The following ZMYND8 variants were observed in gnomAD, a reference collection of about 807,000 sequenced individuals.
ZMYND8 encodes the protein MYND-type zinc finger-containing chromatin reader ZMYND8.
Under a neutral mutation model 140.8 loss-of-function variants are expected in ZMYND8, and 37 were observed. That is an observed-to-expected ratio of 0.26 (90% confidence interval 0.20 to 0.35). The LOEUF (loss-of-function observed/expected upper bound fraction) is 0.35, where lower values mean the gene tolerates loss of function less well. Ranked by LOEUF, ZMYND8 falls within the 10% of genes least tolerant of loss-of-function variation. ZMYND8 has a pLI of 1.00. For synonymous variants in ZMYND8, 592 were observed against 597.1 expected, an observed-to-expected ratio of 0.99 and a Z score of 0.12; for missense variants, 1,068 against 1,570.0, an observed-to-expected ratio of 0.68 and a Z score of 5.40.
At chr20:47,346,912 G>C (rs997493396) in intron 2 of ZMYND8, among the ~76,000 whole-genome samples, 3 of 152,170 alleles carry the variant, frequency 2.0e-5, no homozygotes, top group Non-Finnish European at 4.4e-5. Context: ...GCGACACGCT[G>C]TCTTGTAACA....
intron 16 of ZMYND8, among the ~76,000 whole-genome samples, chr20:47,233,352 G>A (rs1030198257): frequency 6.6e-6 from 1 of 151,898 alleles, no homozygotes; most frequent in East Asian, 1.9e-4. Flanking sequence ...TGAGACTACC[G>A]GCATGTGCCA....
intron 11 of ZMYND8, among the ~76,000 whole-genome samples, chr20:47,266,299 G>A (rs1334541092): frequency 6.6e-6 from 1 of 151,314 alleles, no homozygotes; most frequent in Non-Finnish European, 1.5e-5. Context: ...CGGGGAGAGA[G>A]ATGGAGTTTC....
chr20:47,301,474 G>A (rs2078044553), intron 3 of ZMYND8, among the ~76,000 whole-genome samples: 1 of 152,002 alleles, frequency 6.6e-6, no homozygotes, highest in Admixed American at 6.6e-5. Context: ...CTTTAGCCCA[G>A]TTATTTCCCT....
At chr20:47,350,901 T>C (rs2148623702) in intron 1 of ZMYND8, among the ~76,000 whole-genome samples, 1 of 152,224 alleles carries the variant, frequency 6.6e-6, no homozygotes, top group Admixed American at 6.5e-5. Flanking sequence ...AGCAAACAAT[T>C]TCTCACTCCA....
At position 47,287,648 on chromosome 20, in the gene ZMYND8, A is replaced by G. The variant is rs987799819; in HGVS notation, c.749-364T>C. On this transcript the variant is annotated intron_variant, in intron 7 of 22. Transcript: ENST00000471951. ...GCCAACCCAAGAAGAATACAAGAGA[A>G]AGAAGACATTTTCTTGAATAGCTCT... Among the ~76,000 whole-genome samples, 74 of 152,298 alleles carry G rather than the reference A, an allele frequency of 4.9e-4. 1 individual carries two copies. The highest frequency in any genetic ancestry group is 1.8e-3 in the African/African-American group (73 of 41,564).
intron 18 of ZMYND8, 57 bp downstream of exon 18, chr20:47,227,146 G>A (rs2037826838): frequency 1.3e-6 from 2 of 1,569,264 alleles, no homozygotes; most frequent in Non-Finnish European, 1.8e-6. Context: ...CTCCAGAGGT[G>A]CAAAGAAGTT....
intron 2 of ZMYND8, among the ~76,000 whole-genome samples, chr20:47,337,904 C>G (rs1225130947): frequency 6.6e-6 from 1 of 151,958 alleles, no homozygotes; most frequent in Non-Finnish European, 1.5e-5. Context: ...GAGTATGTGT[C>G]AAGGGGAGAG....
chr20:47,305,613 G>A (rs975272479), intron 3 of ZMYND8, among the ~76,000 whole-genome samples: 3 of 151,408 alleles, frequency 2.0e-5, no homozygotes, highest in African/African-American at 7.3e-5. Flanking sequence ...CAGTTTTTAG[G>A]GCAACATGTG....
intron 2 of ZMYND8, among the ~76,000 whole-genome samples, chr20:47,341,526 CAAAA>C (rs112093006): frequency 3.6e-5 from 2 of 56,300 alleles, no homozygotes; most frequent in Admixed American, 2.3e-4. Context: ...GACTCCATCT[CAAAA>C]AAAAAAAAAA....
intron 13 of ZMYND8, among the ~76,000 whole-genome samples, chr20:47,246,938 A>AGAGGC (rs2040630411): frequency 6.6e-6 from 1 of 152,130 alleles, no homozygotes; most frequent in African/African-American, 2.4e-5. Context: ...GACACAAGAC[A>AGAGGC]GAGGCCAGGC....
intron 2 of ZMYND8, among the ~76,000 whole-genome samples, chr20:47,311,944 T>C (rs750468406): frequency 6.6e-6 from 1 of 152,172 alleles, no homozygotes; most frequent in African/African-American, 2.4e-5. Flanking sequence ...CTCCAAGGAC[T>C]TGAATCCACT....
intron 8 of ZMYND8, among the ~76,000 whole-genome samples, chr20:47,283,899 A>C (rs995374199): frequency 6.7e-6 from 1 of 149,596 alleles, no homozygotes; most frequent in Non-Finnish European, 1.5e-5. Context: ...CCCATTATAG[A>C]CATTCCCTGC....
chr20:47,228,511 C>G (rs2038024150), intron 17 of ZMYND8, among the ~76,000 whole-genome samples: 2 of 152,214 alleles, frequency 1.3e-5, no homozygotes, highest in South Asian at 4.1e-4. Context: ...CACACCAATT[C>G]TTACAACGTA....
At chr20:47,286,150 T>C (rs1272490057) in intron 8 of ZMYND8, among the ~76,000 whole-genome samples, 1 of 151,806 alleles carries the variant, frequency 6.6e-6, no homozygotes, top group Non-Finnish European at 1.5e-5. Context: ...ACTATATCTA[T>C]ATATAGATAT....
At chr20:47,341,637 G>A (rs371759746) in intron 2 of ZMYND8, among the ~76,000 whole-genome samples, 2 of 151,964 alleles carry the variant, frequency 1.3e-5, no homozygotes, top group African/African-American at 4.8e-5. Context: ...TTGGGAGGCC[G>A]AGGTGGGAGG....
At chr20:47,328,664 A>G (rs181934704) in intron 2 of ZMYND8, among the ~76,000 whole-genome samples, 1 of 152,238 alleles carries the variant, frequency 6.6e-6, no homozygotes, top group African/African-American at 2.4e-5. Context: ...GGGTTTCACC[A>G]TCTTGGCCAG....
At chr20:47,351,613 A>G in intron 1 of ZMYND8, 6 of 960,618 alleles carry the variant, frequency 6.2e-6, no homozygotes, top group Non-Finnish European at 7.4e-6. Flanking sequence ...GTGAACATCA[A>G]AATTAAAAAC....
In ZMYND8 at chr20:47,313,433, T is replaced by C. The variant is rs527725915; in HGVS notation, c.86-3229A>G. On this transcript the variant is annotated intron_variant, in intron 2 of 22. Transcript: ENST00000471951. ...GTCAGGAGATCGAGACCATCCTGGC[T>C]AACATGGTGAAACCCCGTCTCTACC... is the stretch of plus-strand genomic sequence containing the variant. Among the ~76,000 whole-genome samples, 68 of 150,992 alleles carry C rather than the reference T, an allele frequency of 4.5e-4. 1 individual carries two copies. In the South Asian group the frequency reaches 0.01, roughly 23 times the overall value.
chr20:47,249,436 C>T lies in ZMYND8; in HGVS notation c.1625G>A (p.Arg542Gln). The T allele has an allele frequency of 6.2e-7, 1 of 1,614,000 alleles. No individual in the cohort carries two copies. Among genetic ancestry groups the T allele is most frequent in the Non-Finnish European group, 8.5e-7 (1 of 1,179,934 alleles). The change falls in exon 13 of 23, where the codon CGA (arginine) becomes CAA (glutamine). Residue 542 changes from arginine to glutamine, a missense_variant. By Grantham distance (43) the Arg-to-Gln change is conservative (BLOSUM62 1). Around this residue, in one of 10 missense-constraint regions of ZMYND8, gnomAD observed 173 missense variants for 223.3 expected, o/e 0.77. Transcript: ENST00000471951. ...TGSILNLNLD[R>Q]SKAEMDLKEL... ...CTTCAAATCCATCTCAGCTTTGCTT[C>T]GATCTGAAAGAAACCATCACACCCT...
Sources: allele counts gnomAD v4.1 joint callset (sites outside exome capture counted in the v4.1 genomes callset), GRCh38; gene constraint gnomAD v4.1.1; regional missense constraint gnomAD v4.1.1; transcripts MANE v1.5; gene names NCBI Gene and HGNC (gene_info 2026-07-23, HGNC 2026-07-21).